Variants in KCNH1 observed in about 807,000 individuals in gnomAD.
The protein encoded by KCNH1 is voltage-gated delayed rectifier potassium channel KCNH1.
KCNH1 carries 27 observed loss-of-function variants against 69.2 expected under a neutral mutation model. The ratio of observed to expected loss-of-function variants is 0.39; its 90% CI spans 0.29 to 0.54. The LOEUF (loss-of-function observed/expected upper bound fraction) is 0.54. KCNH1 is among the 20% of genes least tolerant of loss of function. KCNH1 has a pLI of 0.68. For synonymous variants in KCNH1, 456 were observed against 487.7 expected, an observed-to-expected ratio of 0.93 and a Z score of 0.86; for missense variants, 798 against 1,261.6, an observed-to-expected ratio of 0.63 and a Z score of 5.57.
intron 6 of KCNH1, among the ~76,000 whole-genome samples, chr1:210,959,807 T>C (rs1688259233): frequency 6.6e-6 from 1 of 152,208 alleles, no homozygotes; most frequent in African/African-American, 2.4e-5. Context: ...CCAGGGACAG[T>C]CTGTCATGGC....
At chr1:210,885,923 C>A (rs1009246346) in intron 7 of KCNH1, among the ~76,000 whole-genome samples, 1 of 152,180 alleles carries the variant, frequency 6.6e-6, no homozygotes, top group Non-Finnish European at 1.5e-5. Flanking sequence ...ACTCCCATAT[C>A]CCTGGGACAG....
chr1:210,994,673 T>C (rs970322992), intron 6 of KCNH1, among the ~76,000 whole-genome samples: 5 of 152,202 alleles, frequency 3.3e-5, no homozygotes, highest in South Asian at 2.1e-4. Context: ...AAAATAATTA[T>C]GTAGGCCAGG....
chr1:210,782,733 A>AG (rs1684012057), intron 9 of KCNH1, among the ~76,000 whole-genome samples: 1 of 152,124 alleles, frequency 6.6e-6, no homozygotes, highest in South Asian at 2.1e-4. Flanking sequence ...TCTCAAAAAA[A>AG]AAAGAAAGAA....
At chr1:210,690,672 A>G (rs1468286046) in intron 10 of KCNH1, among the ~76,000 whole-genome samples, 3 of 152,238 alleles carry the variant, frequency 2.0e-5, no homozygotes, top group Admixed American at 1.3e-4. Context: ...TTCTGTTACT[A>G]TGGAATCAAA....
chr1:210,800,037 G>C (rs949854137), intron 8 of KCNH1, among the ~76,000 whole-genome samples: 1 of 152,224 alleles, frequency 6.6e-6, no homozygotes, highest in Non-Finnish European at 1.5e-5. Flanking sequence ...ATATCTACCA[G>C]TACACAGCCT....
At chr1:211,119,240 G>C (rs1003841147) in intron 1 of KCNH1, among the ~76,000 whole-genome samples, 8 of 152,024 alleles carry the variant, frequency 5.3e-5, no homozygotes, top group African/African-American at 1.7e-4. Context: ...GGCATCTGTA[G>C]TCCCAGCTAC....
chr1:210,905,056 A>G (rs1448503891), intron 7 of KCNH1, among the ~76,000 whole-genome samples: 1 of 152,196 alleles, frequency 6.6e-6, no homozygotes, highest in Non-Finnish European at 1.5e-5. Context: ...GCAGAAGCAG[A>G]GGCAAAGTAG....
At position 210,763,656 on chromosome 1, in the gene KCNH1, CCAAG is replaced by C. The variant is rs370001103; in HGVS notation, c.2112+11688_2112+11691del. On this transcript the variant is annotated intron_variant, in intron 10 of 10. Coordinates refer to ENST00000271751, the MANE Select transcript of KCNH1 (RefSeq NM_172362.3). ...ATAAAATACCTAGGAATACATCTAACCAAGCAAGTAAAAGACCTCTCCTGGAAGA... is the reference window on the plus strand; with the variant it reads ...ATAAAATACCTAGGAATACATCTAACCAAGTAAAAGACCTCTCCTGGAAGA... 1.1e-4 allele frequency among the ~76,000 whole-genome samples: 17 copies of C among 152,126 alleles called. No individual in the cohort carries two copies. The East Asian group carries it at 2.9e-3, about 26-fold the overall frequency.
At chr1:210,872,315 G>A (rs1024915549) in intron 7 of KCNH1, among the ~76,000 whole-genome samples, 2 of 152,020 alleles carry the variant, frequency 1.3e-5, no homozygotes, top group East Asian at 1.9e-4. Context: ...CTGACCTGAT[G>A]ATTATAATTA....
intron 7 of KCNH1, among the ~76,000 whole-genome samples, chr1:210,810,805 C>A (rs11119607): frequency 0.58 from 88,874 of 152,058 alleles, 26,355 homozygotes; most frequent in East Asian, 0.67. Context: ...TACTTATGTG[C>A]ATGTTTGTCT....
intron 5 of KCNH1, among the ~76,000 whole-genome samples, chr1:211,020,867 T>C (rs1689575371): frequency 1.3e-5 from 2 of 151,514 alleles, no homozygotes; most frequent in South Asian, 4.2e-4. Context: ...ATGCATCACA[T>C]CAGCAGTAGG....
At chr1:210,716,250 G>A (rs973012180) in intron 10 of KCNH1, among the ~76,000 whole-genome samples, 3 of 151,874 alleles carry the variant, frequency 2.0e-5, no homozygotes, top group East Asian at 1.9e-4. Context: ...TGGCCAACAC[G>A]GTGAAACCCC....
intron 6 of KCNH1, among the ~76,000 whole-genome samples, chr1:210,933,483 T>G (rs1687718178): frequency 6.6e-6 from 1 of 151,528 alleles, no homozygotes; most frequent in Admixed American, 6.6e-5. Flanking sequence ...CTGCACATTG[T>G]GAACATGTAC....
At chr1:211,065,432 A>T (rs915236726) in intron 5 of KCNH1, among the ~76,000 whole-genome samples, 3 of 152,236 alleles carry the variant, frequency 2.0e-5, no homozygotes, top group South Asian at 4.1e-4. Flanking sequence ...ACCTAAAAAA[A>T]GTTGAATAGA....
chr1:211,054,806 A>G (rs1174293066), intron 5 of KCNH1, among the ~76,000 whole-genome samples: 3 of 152,082 alleles, frequency 2.0e-5, no homozygotes, highest in Admixed American at 2.0e-4. Flanking sequence ...AATAAAAATA[A>G]CATTGAGTGG....
intron 6 of KCNH1, among the ~76,000 whole-genome samples, chr1:210,942,270 G>A (rs1158052200): frequency 6.6e-6 from 1 of 152,090 alleles, no homozygotes; most frequent in South Asian, 2.1e-4. Context: ...CCACCAAGAG[G>A]AGTCTCATGG....
intron 7 of KCNH1, among the ~76,000 whole-genome samples, chr1:210,820,924 C>A (rs1684915824): frequency 6.6e-6 from 1 of 152,112 alleles, no homozygotes; most frequent in Non-Finnish European, 1.5e-5. Context: ...GCCCTGCTGA[C>A]ACTTTGATTT....
chr1:210,898,670 A>G (rs144854914), intron 7 of KCNH1, among the ~76,000 whole-genome samples: 3,638 of 136,446 alleles, frequency 0.027, 56 homozygotes, highest in Non-Finnish European at 0.04. Flanking sequence ...TGGAGGGGGC[A>G]GGCGTGGCGG....
In KCNH1 at chr1:211,099,225, A is replaced by C. The variant is rs563929231; in HGVS notation, c.310+4271T>G. Among the ~76,000 whole-genome samples, 3 of 152,326 alleles carry C rather than the reference A, an allele frequency of 2.0e-5. No individual in the cohort carries two copies. In the South Asian group the frequency reaches 6.2e-4, roughly 32 times the overall value. On this transcript the variant is annotated intron_variant, in intron 3 of 10. Transcript: ENST00000271751. ...ATACAAGTCGAAATCTCCATTATGT[A>C]AAATGTACACAGACAAAAACAAAAA...
Sources: allele counts gnomAD v4.1 joint callset (sites outside exome capture counted in the v4.1 genomes callset), GRCh38; gene constraint gnomAD v4.1.1; transcripts MANE v1.5; gene names NCBI Gene and HGNC (gene_info 2026-07-23, HGNC 2026-07-21).